Variants in SIPA1L1 observed in about 807,000 individuals in gnomAD.
SIPA1L1 encodes the protein signal induced proliferation associated 1 like 1.
Under a neutral mutation model 162.7 loss-of-function variants are expected in SIPA1L1, and 26 were observed. The ratio of observed to expected loss-of-function variants is 0.16; its 90% CI spans 0.12 to 0.22. The LOEUF (loss-of-function observed/expected upper bound fraction) is 0.22. Ranked by LOEUF, SIPA1L1 falls within the 10% of genes least tolerant of loss-of-function variation. The pLI is 1.00. For missense variants in SIPA1L1, 1,874 were observed against 2,241.0 expected (o/e 0.84, Z 3.31); for synonymous variants, 829 against 837.4 (o/e 0.99, Z 0.17).
intron 2 of SIPA1L1, among the ~76,000 whole-genome samples, chr14:71,444,181 C>A (rs1303382687): frequency 6.6e-6 from 1 of 152,146 alleles, no homozygotes; most frequent in East Asian, 1.9e-4. Flanking sequence ...CTGCATATAC[C>A]TAGCAAGTAC....
At chr14:71,653,811 T>C (rs1157342894) in intron 8 of SIPA1L1, among the ~76,000 whole-genome samples, 1 of 152,230 alleles carries the variant, frequency 6.6e-6, no homozygotes, top group Non-Finnish European at 1.5e-5. Flanking sequence ...ACCTGCTAGA[T>C]ACCAATTATC....
chr14:71,673,997 T>C (rs1392600655), intron 12 of SIPA1L1, among the ~76,000 whole-genome samples: 1 of 152,244 alleles, frequency 6.6e-6, no homozygotes, highest in Non-Finnish European at 1.5e-5. Context: ...GTCTCCAGTC[T>C]TGCTGCATTC....
chr14:71,462,699 A>T (rs2046696279), intron 2 of SIPA1L1, among the ~76,000 whole-genome samples: 1 of 152,186 alleles, frequency 6.6e-6, no homozygotes, highest in South Asian at 2.1e-4. Context: ...TCTCCCCAAT[A>T]AGTCCAGTGT....
chr14:71,434,104 A>G (rs1489376105), intron 2 of SIPA1L1, among the ~76,000 whole-genome samples: 1 of 152,232 alleles, frequency 6.6e-6, no homozygotes, highest in Non-Finnish European at 1.5e-5. Context: ...CTAATTAAAA[A>G]TTGGATCACT....
At chr14:71,715,804 T>C (rs1347258137) in intron 17 of SIPA1L1, among the ~76,000 whole-genome samples, 1 of 152,216 alleles carries the variant, frequency 6.6e-6, no homozygotes, top group Non-Finnish European at 1.5e-5. Context: ...ATAATCATAT[T>C]TTCTCTTCTC....
At chr14:71,692,075 C>T (rs1211350617) in intron 13 of SIPA1L1, among the ~76,000 whole-genome samples, 2 of 152,136 alleles carry the variant, frequency 1.3e-5, no homozygotes, top group African/African-American at 2.4e-5. Flanking sequence ...GCTTTCCACA[C>T]GAAGAGTTTC....
chr14:71,608,307 T>C (rs929399414), intron 5 of SIPA1L1, among the ~76,000 whole-genome samples: 5 of 152,216 alleles, frequency 3.3e-5, no homozygotes, highest in Non-Finnish European at 5.9e-5. Flanking sequence ...AATTTCTGGC[T>C]ACCTGTTAGA....
rs139562693 is a variant in SIPA1L1, at chr14:71,389,976, T to G, written c.-465+68795T>G. ...AGTCCTTTGTCACATGTTGTCAAGATTTCCATCTTTTCAAATCCAAAGGAG... is the reference window on the plus strand; with the variant it reads ...AGTCCTTTGTCACATGTTGTCAAGAGTTCCATCTTTTCAAATCCAAAGGAG... On this transcript the variant is annotated intron_variant, in intron 2 of 23. Transcript: ENST00000381232. 7.2e-5 allele frequency among the ~76,000 whole-genome samples: 11 copies of G among 152,354 alleles called. No individual in the cohort carries two copies. In the East Asian group the frequency reaches 1.7e-3, roughly 24 times the overall value.
At chr14:71,477,291 C>T (rs1178188692) in intron 2 of SIPA1L1, among the ~76,000 whole-genome samples, 2 of 152,116 alleles carry the variant, frequency 1.3e-5, no homozygotes, top group Non-Finnish European at 2.9e-5. Flanking sequence ...TTATGTTATA[C>T]TGTCTCCCCA....
chr14:71,654,058 C>G (rs1442647244), intron 8 of SIPA1L1, among the ~76,000 whole-genome samples: 1 of 152,184 alleles, frequency 6.6e-6, no homozygotes, highest in Non-Finnish European at 1.5e-5. Context: ...AGCTCTACTT[C>G]ATGCATTATC....
chr14:71,451,838 A>G (rs1241482998), intron 2 of SIPA1L1, among the ~76,000 whole-genome samples: 1 of 152,082 alleles, frequency 6.6e-6, no homozygotes, highest in African/African-American at 2.4e-5. Context: ...CATGTATATG[A>G]TAAACACATA....
intron 6 of SIPA1L1, among the ~76,000 whole-genome samples, chr14:71,622,860 G>T (rs1247553575): frequency 6.6e-6 from 1 of 152,124 alleles, no homozygotes; most frequent in African/African-American, 2.4e-5. Flanking sequence ...CAGCTTCAGG[G>T]TCTTCTGTGC....
chr14:71,504,074 G>C (rs566242178), intron 2 of SIPA1L1: 1 of 151,798 alleles, frequency 6.6e-6, no homozygotes, highest in African/African-American at 2.4e-5. Flanking sequence ...CAAAGTGCTG[G>C]GATTACAGGT....
At position 71,448,223 on chromosome 14, in the gene SIPA1L1, C is replaced by T. The variant is rs564531291; in HGVS notation, c.-464-64520C>T. ...GCACTTTTTTTTCCTACGCTTCCAT[C>T]GCTTTCTTGGTTGTCTTTCTGGTAG... On this transcript the variant is annotated intron_variant, in intron 2 of 23. Coordinates refer to ENST00000381232, the MANE Select transcript of SIPA1L1 (RefSeq NM_001386936.1). Among the ~76,000 whole-genome samples the T allele has an allele frequency of 7.2e-5, 11 of 152,252 alleles. No homozygotes were observed. The East Asian group carries it at 1.9e-3, about 27-fold the overall frequency.
intron 2 of SIPA1L1, among the ~76,000 whole-genome samples, chr14:71,347,996 A>C (rs777461576): frequency 1.8e-4 from 27 of 152,352 alleles, no homozygotes; most frequent in Middle Eastern, 3.4e-3. Context: ...TGTAGTAAGC[A>C]TGAAAACAAA....
intron 3 of SIPA1L1, among the ~76,000 whole-genome samples, chr14:71,518,811 A>G (rs763524650): frequency 2.6e-5 from 4 of 152,080 alleles, no homozygotes; most frequent in South Asian, 2.1e-4. Flanking sequence ...AGACATACCT[A>G]AGACTGGTAA....
chr14:71,485,511 C>T (rs180714770), intron 2 of SIPA1L1, among the ~76,000 whole-genome samples: 4 of 151,922 alleles, frequency 2.6e-5, no homozygotes, highest in East Asian at 3.9e-4. Flanking sequence ...ATCTAGGTTA[C>T]GTGCTCCTTA....
intron 3 of SIPA1L1, among the ~76,000 whole-genome samples, chr14:71,520,604 C>T (rs970631513): frequency 2.6e-5 from 4 of 152,040 alleles, no homozygotes; most frequent in Non-Finnish European, 4.4e-5. Context: ...TTTCTGTAAA[C>T]GGAATTAGGT....
At chr14:71,596,411 A>G (rs989056769) in intron 5 of SIPA1L1, among the ~76,000 whole-genome samples, 6 of 152,182 alleles carry the variant, frequency 3.9e-5, no homozygotes, top group Admixed American at 2.0e-4. Context: ...AACTAATCCT[A>G]TTTCTTGTGA....
Sources: allele counts gnomAD v4.1 joint callset (sites outside exome capture counted in the v4.1 genomes callset), GRCh38; gene constraint gnomAD v4.1.1; transcripts MANE v1.5; gene names NCBI Gene and HGNC (gene_info 2026-07-23, HGNC 2026-07-21).